The following RNF214 variants were observed in gnomAD, a reference collection of about 807,000 sequenced individuals.
RNF214 encodes ring finger protein 214.
In RNF214, 25 loss-of-function variants were observed where a neutral mutation model predicts 75.9. The ratio of observed to expected loss-of-function variants is 0.33; its 90% CI spans 0.24 to 0.46. The LOEUF is 0.46. RNF214 is among the 20% of genes least tolerant of loss of function. The probability of loss-of-function intolerance (pLI) is 1.00; values close to 1 mark genes in which losing one functional copy is unlikely to be tolerated. For missense variants in RNF214, 725 were observed against 857.5 expected (o/e 0.85, Z 1.93); for synonymous variants, 314 against 308.8 (o/e 1.02, Z -0.18).
chr11:117,272,672 A>T (rs2033938004), intron 6 of RNF214, among the ~76,000 whole-genome samples: 1 of 152,018 alleles, frequency 6.6e-6, no homozygotes, highest in South Asian at 2.1e-4. Flanking sequence ...CAAGGAATGA[A>T]GTTTAGGAGG....
In RNF214 at chr11:117,273,656, G is replaced by A. The variant is rs186471969; in HGVS notation, c.960-6252G>A. The stretch of plus-strand genomic sequence containing the variant: ...GAGTTTAATGATTGCAGAGCATTGA[G>A]TGAGGACATGGGAGGAGACCCTCAA... On this transcript the variant is annotated intron_variant, in intron 6 of 14. Transcript: ENST00000300650. Among the ~76,000 whole-genome samples, 7 of 152,298 alleles carry A rather than the reference G, an allele frequency of 4.6e-5. No individual in the cohort carries two copies. In the East Asian group the frequency reaches 1.3e-3, roughly 29 times the overall value.
chr11:117,271,795 A>C (rs1183575387), intron 6 of RNF214, among the ~76,000 whole-genome samples: 1 of 152,190 alleles, frequency 6.6e-6, no homozygotes, highest in Non-Finnish European at 1.5e-5. Flanking sequence ...AAAATGACAG[A>C]ACAAAGTTTG....
chr11:117,251,715 A>G (rs984363000), intron 6 of RNF214, among the ~76,000 whole-genome samples: 27 of 152,280 alleles, frequency 1.8e-4, no homozygotes, highest in Non-Finnish European at 3.7e-4. Context: ...TGTGAGAGAA[A>G]AGCAAGCAAG....
In RNF214 at chr11:117,265,413, G is replaced by T. The variant is rs113942258; in HGVS notation, c.960-14495G>T. On this transcript the variant is annotated intron_variant, in intron 6 of 14. Transcript: ENST00000300650. ...TTAGAATTATCTCTTAGTTGTTTTG[G>T]TTTTTTTTTCTTTTTTTGAGACAGA... is the stretch of plus-strand genomic sequence containing the variant. Among the ~76,000 whole-genome samples the T allele has an allele frequency of 6.8e-3, 1,023 of 150,654 alleles. 16 individuals carry two copies. Among genetic ancestry groups the T allele is most frequent in the African/African-American group, 0.024 (967 of 41,122 alleles).
intron 3 of RNF214, chr11:117,239,483 T>C: frequency 2.2e-6 from 1 of 459,420 alleles, no homozygotes; most frequent in Admixed American, 3.9e-5. Flanking sequence ...GTATCCTGCC[T>C]TCTAGTGACG....
chr11:117,240,834 G>A (rs1253251093), intron 4 of RNF214, among the ~76,000 whole-genome samples: 1 of 152,076 alleles, frequency 6.6e-6, no homozygotes, highest in African/African-American at 2.4e-5. Flanking sequence ...CTGAGGTCAG[G>A]AGTTTGAGAC....
intron 6 of RNF214, among the ~76,000 whole-genome samples, chr11:117,269,993 A>G (rs1055999677): frequency 1.3e-5 from 2 of 152,178 alleles, no homozygotes; most frequent in African/African-American, 2.4e-5. Context: ...GATGACTTCC[A>G]GTCTCTTCTC....
At chr11:117,266,516 T>C (rs1328520904) in intron 6 of RNF214, among the ~76,000 whole-genome samples, 2 of 152,102 alleles carry the variant, frequency 1.3e-5, no homozygotes, top group Middle Eastern at 3.4e-3. Flanking sequence ...TGCACCACCA[T>C]GTCTGGCTAA....
At chr11:117,268,574 G>C (rs780772075) in intron 6 of RNF214, among the ~76,000 whole-genome samples, 1 of 151,966 alleles carries the variant, frequency 6.6e-6, no homozygotes, top group South Asian at 2.1e-4. Context: ...CCATTACATC[G>C]ATCTGTTTGT....
intron 6 of RNF214, among the ~76,000 whole-genome samples, chr11:117,270,241 CTTTTTTT>C (rs57144374): frequency 0.011 from 840 of 75,820 alleles, 1 homozygote; most frequent in Non-Finnish European, 0.014. Context: ...CTTTTCTTTT[CTTTTTTT>C]TTTTTTTTTT....
chr11:117,284,289 C>T (rs577880546), intron 14 of RNF214, among the ~76,000 whole-genome samples: 58 of 152,340 alleles, frequency 3.8e-4, no homozygotes, highest in African/African-American at 1.4e-3. Flanking sequence ...ACTGACAAGT[C>T]ATTCCTATTT....
intron 6 of RNF214, among the ~76,000 whole-genome samples, chr11:117,250,238 A>T (rs2033335720): frequency 6.6e-6 from 1 of 152,210 alleles, no homozygotes. Flanking sequence ...GGGGCAGAAG[A>T]TAACCACCAA....
At chr11:117,255,171 T>C (rs370549012) in intron 6 of RNF214, among the ~76,000 whole-genome samples, 6 of 152,346 alleles carry the variant, frequency 3.9e-5, no homozygotes, top group African/African-American at 1.4e-4. Flanking sequence ...TTCTTACCCT[T>C]AGCAGATGAT....
intron 6 of RNF214, among the ~76,000 whole-genome samples, chr11:117,261,437 A>C (rs2033659459): frequency 6.6e-6 from 1 of 151,982 alleles, no homozygotes; most frequent in African/African-American, 2.4e-5. Flanking sequence ...AAAATTAGCC[A>C]GGCATGGTGG....
At chr11:117,242,438 C>T (rs899200561) in intron 4 of RNF214, among the ~76,000 whole-genome samples, 3 of 152,158 alleles carry the variant, frequency 2.0e-5, no homozygotes, top group African/African-American at 7.2e-5. Flanking sequence ...TTAATTGTAA[C>T]AGTCAAGTAG....
In RNF214 at chr11:117,244,528, C is replaced by G. The variant is rs756194958; in HGVS notation, c.762C>G (p.Leu254=). Residue 254 remains leucine (L), a synonymous_variant, in exon 5 of 15, where the codon CTC becomes CTG. Coordinates refer to ENST00000300650, the MANE Select transcript of RNF214 (RefSeq NM_207343.4). ...LDKQRQVENQ[L]QVQLKQLQQR... ...AACAGAGGCAAGTGGAGAATCAGCT[C>G]CAAGTGCAATTAAAGCAGCTTCAGC... is the stretch of plus-strand genomic sequence containing the variant. The G allele has an allele frequency of 2.5e-5, 41 of 1,612,496 alleles. No homozygotes were observed. In the East Asian group the frequency reaches 8.3e-4, roughly 32 times the overall value.
chr11:117,283,498 C>T (rs2034171588), intron 14 of RNF214, among the ~76,000 whole-genome samples: 1 of 151,476 alleles, frequency 6.6e-6, no homozygotes, highest in South Asian at 2.1e-4. Context: ...GTAGCTGGGA[C>T]TACAGGCGCC....
chr11:117,234,117 T>TTAG (rs1210561601), intron 1 of RNF214, 150 bp from the exon 2 acceptor site: 3 of 623,200 alleles, frequency 4.8e-6, no homozygotes, highest in Non-Finnish European at 8.7e-6. Flanking sequence ...AATGTCTCTT[T>TTAG]TAGTACTCTT....
chr11:117,281,427 A>G, intron 9 of RNF214, 23 bp downstream of exon 9: 2 of 1,571,352 alleles, frequency 1.3e-6, no homozygotes, highest in Non-Finnish European at 1.8e-6. Flanking sequence ...ATGAGTCATC[A>G]TTCAGTCAGT....
Sources: gnomAD v4.1 joint callset for allele counts (sites outside exome capture counted in the v4.1 genomes callset) on GRCh38, gnomAD v4.1.1 for gene constraint, MANE v1.5 for transcripts, NCBI Gene and HGNC (gene_info 2026-07-23, HGNC 2026-07-21) for gene names.